Variants in EXTL3 observed in about 807,000 individuals in gnomAD.
EXTL3 encodes exostosin-like 3.
A neutral mutation model predicts 69.3 loss-of-function variants in EXTL3; 27 were observed. The ratio of observed to expected loss-of-function variants is 0.39; its 90% CI spans 0.29 to 0.54. The LOEUF (loss-of-function observed/expected upper bound fraction) is 0.54. EXTL3 is among the 20% of genes least tolerant of loss of function. EXTL3 has a pLI of 0.69. For missense variants in EXTL3, 1,003 were observed against 1,231.8 expected (o/e 0.81, Z 2.78); for synonymous variants, 511 against 499.4 (o/e 1.02, Z -0.31).
chr8:28,648,096 C>G (rs1806863831), intron 1 of EXTL3, among the ~76,000 whole-genome samples: 2 of 152,058 alleles, frequency 1.3e-5, no homozygotes, highest in East Asian at 3.8e-4. Context: ...ATGGATTGGT[C>G]CAGCACCTTT....
intron 1 of EXTL3, among the ~76,000 whole-genome samples, chr8:28,703,651 G>A (rs1800859537): frequency 6.6e-6 from 1 of 152,072 alleles, no homozygotes; most frequent in South Asian, 2.1e-4. Flanking sequence ...CCCTGATGTA[G>A]ACTCAGGTGT....
intron 1 of EXTL3, among the ~76,000 whole-genome samples, chr8:28,646,475 ACT>A (rs773068089): frequency 2.8e-4 from 43 of 152,060 alleles, no homozygotes; most frequent in Non-Finnish European, 2.2e-4. Flanking sequence ...TTGTCCAGCA[ACT>A]CTCTGTGAAA....
chr8:28,639,713 G>C (rs776030800), intron 1 of EXTL3, among the ~76,000 whole-genome samples: 1 of 152,196 alleles, frequency 6.6e-6, no homozygotes, highest in Non-Finnish European at 1.5e-5. Context: ...TAACTTCACC[G>C]AGGACAGCCT....
At chr8:28,652,596 G>A (rs1345311474) in intron 1 of EXTL3, among the ~76,000 whole-genome samples, 1 of 152,046 alleles carries the variant, frequency 6.6e-6, no homozygotes, top group African/African-American at 2.4e-5. Flanking sequence ...GGAGGCTGCA[G>A]TAAGCCATGA....
In EXTL3 at chr8:28,717,362, AC is replaced by A. The variant is rs1801180888; in HGVS notation, c.1308del (p.Asp438ThrfsTer71). ...LKLSTFALII[T>X]PGDPRLVISS... ...GCTCTCCACCTTCGCCCTCATCATT[AC>A]CCCCGGGGACCCTCGCTTGGTTATT... On this transcript the variant is annotated frameshift_variant, in exon 3 of 7. Transcript: ENST00000220562. LOFTEE classifies it high-confidence loss of function. This position sits in a 1 kb window ranked among gnomAD's most constrained non-coding sequence, Gnocchi z 8.3. The A allele has an allele frequency of 6.2e-7, 1 of 1,613,788 alleles. No individual in the cohort carries two copies. The highest frequency in any genetic ancestry group is 1.7e-5 in the Admixed American group (1 of 59,964).
intron 1 of EXTL3, among the ~76,000 whole-genome samples, chr8:28,682,690 C>CA (rs1807510342): frequency 6.6e-6 from 1 of 152,204 alleles, no homozygotes; most frequent in South Asian, 2.1e-4. Context: ...GTGATGCCCC[C>CA]ACCTTGGCCT....
At chr8:28,683,670 C>T (rs766750401) in intron 1 of EXTL3, among the ~76,000 whole-genome samples, 14 of 151,978 alleles carry the variant, frequency 9.2e-5, no homozygotes, top group South Asian at 2.1e-4. Context: ...AAAAATTAGG[C>T]GTAGTGGCAC....
intron 1 of EXTL3, among the ~76,000 whole-genome samples, chr8:28,661,961 TA>T (rs1261666542): frequency 7.9e-5 from 12 of 150,950 alleles, no homozygotes; most frequent in Non-Finnish European, 1.3e-4. Flanking sequence ...TAAACAATAT[TA>T]AATATGAAAA....
At chr8:28,663,031 T>G (rs1158507151) in intron 1 of EXTL3, among the ~76,000 whole-genome samples, 1 of 152,268 alleles carries the variant, frequency 6.6e-6, no homozygotes, top group East Asian at 1.9e-4. Flanking sequence ...GAGCTCATTC[T>G]GAGCCAAAAA....
At chr8:28,698,993 C>CAAAACA (rs145865640), upstream of EXTL3, among the ~76,000 whole-genome samples, 5,622 of 151,768 alleles carry the variant, frequency 0.037, 342 homozygotes, top group African/African-American at 0.13. Flanking sequence ...GACTCCGTCT[C>CAAAACA]AAAACAAAAA....
intron 1 of EXTL3, among the ~76,000 whole-genome samples, chr8:28,662,684 C>T (rs570635237): frequency 1.1e-4 from 17 of 152,160 alleles, no homozygotes; most frequent in East Asian, 1.9e-4. Context: ...GAGGCCAAGG[C>T]GGGTGGATAA....
At chr8:28,738,963 T>C (rs114251130) in intron 5 of EXTL3, among the ~76,000 whole-genome samples, 4,288 of 152,200 alleles carry the variant, frequency 0.028, 187 homozygotes, top group African/African-American at 0.097. Flanking sequence ...CGGAAGACCC[T>C]CCCACCACTC....
At chr8:28,681,852 G>A (rs572489912) in intron 1 of EXTL3, among the ~76,000 whole-genome samples, 20 of 152,202 alleles carry the variant, frequency 1.3e-4, no homozygotes, top group African/African-American at 4.6e-4. Context: ...TTGGGAATTC[G>A]AGACCAGCCT....
intron 1 of EXTL3, among the ~76,000 whole-genome samples, chr8:28,702,418 C>T (rs1388051237): frequency 6.6e-6 from 1 of 152,224 alleles, no homozygotes; most frequent in African/African-American, 2.4e-5. Context: ...ATTCCGAGCC[C>T]CTCGGAGGCG....
rs575659005 is a variant in EXTL3, at chr8:28,666,224, G to T, written c.-53+43414G>T. ...AGTGCATCAGTTTAAACTCCGGAAG[G>T]TTCTTTCTTGCTTTCTTGCTGTCTC... is the stretch of plus-strand genomic sequence containing the variant. On this transcript the variant is annotated intron_variant, in intron 1 of 6. Coordinates refer to the EXTL3 transcript ENST00000523149. 3.9e-5 allele frequency among the ~76,000 whole-genome samples: 6 copies of T among 152,258 alleles called. No individual in the cohort carries two copies. In the South Asian group the frequency reaches 8.3e-4, roughly 21 times the overall value.
At chr8:28,741,253 C>A (rs1176779137) in intron 5 of EXTL3, 1 of 152,184 alleles carries the variant, frequency 6.6e-6, no homozygotes, top group African/African-American at 2.4e-5. Flanking sequence ...TACCTCTGAA[C>A]AGTTATTCTG....
At chr8:28,665,542 G>A (rs1807183392) in intron 1 of EXTL3, among the ~76,000 whole-genome samples, 1 of 150,714 alleles carries the variant, frequency 6.6e-6, no homozygotes, top group Admixed American at 6.6e-5. Flanking sequence ...CTCCCAAGTA[G>A]TTGGGACTAC....
chr8:28,620,794 G>A (rs1420595685), upstream of EXTL3, among the ~76,000 whole-genome samples: 1 of 152,052 alleles, frequency 6.6e-6, no homozygotes, highest in African/African-American at 2.4e-5. Flanking sequence ...TTAGCTCACT[G>A]CAGCCCTGAA....
intron 1 of EXTL3, among the ~76,000 whole-genome samples, chr8:28,633,491 G>A (rs1391587997): frequency 4.0e-5 from 6 of 151,836 alleles, no homozygotes; most frequent in Non-Finnish European, 8.8e-5. Context: ...AAAATTAGCC[G>A]GGTGTGGTGT....
Sources: gnomAD v4.1 joint callset for allele counts (sites outside exome capture counted in the v4.1 genomes callset) on GRCh38, gnomAD v4.1.1 for gene constraint, Gnocchi (gnomAD v3.1) non-coding constraint, MANE v1.5 for transcripts, NCBI Gene and HGNC (gene_info 2026-07-23, HGNC 2026-07-21) for gene names.